APLP2: variants seen among roughly 807,000 people sequenced by gnomAD.
APLP2 encodes amyloid beta precursor like protein 2, also known as CDEI box-binding protein.
In APLP2, 53 loss-of-function variants were observed where a neutral mutation model predicts 89.9. The ratio of observed to expected loss-of-function variants is 0.59; its 90% CI spans 0.47 to 0.74. The LOEUF (loss-of-function observed/expected upper bound fraction) is 0.74. APLP2 is among the 30% of genes least tolerant of loss of function. APLP2 has a pLI of 0.00. For missense variants in APLP2, 973 were observed against 975.9 expected, an observed-to-expected ratio of 1.00 and a Z score of 0.04; for synonymous variants, 372 against 348.6, an observed-to-expected ratio of 1.07 and a Z score of -0.75.
rs1948290557 is a variant in APLP2 at position 130,109,656 on chromosome 11, T to C, written c.279+54T>C. The stretch of plus-strand genomic sequence containing the variant: ...GTTATTTTTCTGGGGCAGGGTTGAA[T>C]CTGTTTACCTTAGAAATAGATATTC... On this transcript the variant is annotated intron_variant, in intron 2 of 16. Transcript: ENST00000338167. 2.6e-6 allele frequency: 4 copies of C among 1,541,974 alleles called. No homozygotes were observed. In the East Asian group the frequency reaches 9.3e-5, roughly 36 times the overall value.
chr11:130,074,798 A>G (rs563439490), intron 1 of APLP2, among the ~76,000 whole-genome samples: 3 of 152,348 alleles, frequency 2.0e-5, no homozygotes, highest in South Asian at 2.1e-4. Flanking sequence ...AACAATGATT[A>G]TTTCGAATTA....
chr11:130,123,464 G>A lies in APLP2; in HGVS notation c.923-148G>A. The A allele has an allele frequency of 1.3e-6, 1 of 770,138 alleles. No individual in the cohort carries two copies. The highest frequency in any genetic ancestry group is 1.8e-5 in the South Asian group (1 of 55,002). 47.7% of individuals were successfully genotyped at this position (770,138 alleles called of 1,614,324 possible). Reference sequence around the variant, plus strand: ...AACTTGTCCTCAGCAAGGCTGGCCTGAGCTGGAGCTTTCGGCCACCGGGCC... The same window carrying A: ...AACTTGTCCTCAGCAAGGCTGGCCTAAGCTGGAGCTTTCGGCCACCGGGCC... On this transcript the variant is annotated intron_variant, in intron 6 of 16. Transcript: ENST00000338167. This position sits in a 1 kb window ranked among gnomAD's most constrained non-coding sequence, Gnocchi z 4.0.
intron 10 of APLP2, 58 bp downstream of exon 10, chr11:130,129,264 A>G (rs1474702333): frequency 2.6e-6 from 4 of 1,534,860 alleles, no homozygotes; most frequent in East Asian, 4.6e-5. Context: ...GGACCAATGT[A>G]TGACACTCAG....
chr11:130,081,812 C>T (rs1052715141), intron 1 of APLP2, among the ~76,000 whole-genome samples: 1 of 152,018 alleles, frequency 6.6e-6, no homozygotes, highest in Non-Finnish European at 1.5e-5. Flanking sequence ...ATGTATGTTT[C>T]TCATTCTTCT....
At chr11:130,126,428 C>T (rs1950370867) in intron 7 of APLP2, among the ~76,000 whole-genome samples, 1 of 152,138 alleles carries the variant, frequency 6.6e-6, no homozygotes, top group African/African-American at 2.4e-5. Context: ...ACCTCTTTTT[C>T]AGCCCTGAGG....
chr11:130,102,832 GT>G (rs1947124159), intron 1 of APLP2, among the ~76,000 whole-genome samples: 1 of 152,208 alleles, frequency 6.6e-6, no homozygotes, highest in Admixed American at 6.5e-5. Context: ...TTGCTAAACT[GT>G]TCCCCAAGCC....
chr11:130,075,085 T>A lies in APLP2; in HGVS notation c.105+5003T>A, dbSNP rs565561843. Among the ~76,000 whole-genome samples, 33 of 152,372 alleles carry A rather than the reference T, an allele frequency of 2.2e-4. 1 individual carries two copies. Among genetic ancestry groups the A allele is most frequent in the African/African-American group, 7.2e-4 (30 of 41,588 alleles). On this transcript the variant is annotated intron_variant, in intron 1 of 16. Transcript: ENST00000338167. ...CAGAAATGAGTTCCAGTCCTTTGTG[T>A]CAAGTACAACTAATAATTGCTTTTG... is the stretch of plus-strand genomic sequence containing the variant.
chr11:130,108,009 C>A (rs556158744), intron 1 of APLP2, among the ~76,000 whole-genome samples: 16 of 152,284 alleles, frequency 1.1e-4, no homozygotes, highest in African/African-American at 3.9e-4. Flanking sequence ...ACTGGCTAGC[C>A]ATATGTAGAA....
At chr11:130,109,362 C>A in intron 1 of APLP2, 67 bp from the exon 2 acceptor site, 1 of 1,422,492 alleles carries the variant, frequency 7.0e-7, no homozygotes, top group South Asian at 1.3e-5. Context: ...GTCACATAGA[C>A]CTGAATGACT....
At position 130,135,565 on chromosome 11, in the gene APLP2, G is replaced by A; in HGVS notation, c.1687G>A (p.Glu563Lys). Residue 563 changes from glutamate to lysine, a missense_variant and splice_region_variant, in exon 13 of 17, where the codon GAG becomes AAG. By Grantham distance (56) the Glu-to-Lys change is moderately conservative. Coordinates refer to ENST00000338167, the MANE Select transcript of APLP2 (RefSeq NM_001142276.2). ...GTCCCCTGCCCTGTCTTCATCAGATGAGCTCCTTCAGGAGCAGCGTGCAGA... is the reference window on the plus strand; with the variant it reads ...GTCCCCTGCCCTGTCTTCATCAGATAAGCTCCTTCAGGAGCAGCGTGCAGA... The part of the protein sequence containing the change: ...VAQEIQEEID[E>K]LLQEQRADMD... The A allele has an allele frequency of 2.5e-6, 4 of 1,614,016 alleles. No individual in the cohort carries two copies. Among genetic ancestry groups the A allele is most frequent in the Non-Finnish European group, 3.4e-6 (4 of 1,179,944 alleles).
At chr11:130,090,809 A>G (rs1271442941) in intron 1 of APLP2, among the ~76,000 whole-genome samples, 1 of 151,820 alleles carries the variant, frequency 6.6e-6, no homozygotes. Flanking sequence ...GTGGCCGGGC[A>G]GAGGGGCTCC....
At chr11:130,081,072 GA>G (rs1450287694) in intron 1 of APLP2, among the ~76,000 whole-genome samples, 1 of 151,970 alleles carries the variant, frequency 6.6e-6, no homozygotes, top group African/African-American at 2.4e-5. Flanking sequence ...AAAAAATTTA[GA>G]AAATACAGTT....
At chr11:130,112,140 C>T (rs1341852706) in intron 3 of APLP2, among the ~76,000 whole-genome samples, 1 of 152,112 alleles carries the variant, frequency 6.6e-6, no homozygotes, top group Non-Finnish European at 1.5e-5. Flanking sequence ...CGAGGCACCT[C>T]GGGGCATTGA....
chr11:130,081,075 A>C (rs1943070878), intron 1 of APLP2, among the ~76,000 whole-genome samples: 2 of 152,218 alleles, frequency 1.3e-5, no homozygotes, highest in Non-Finnish European at 2.9e-5. Flanking sequence ...AAATTTAGAA[A>C]ATACAGTTTT....
intron 3 of APLP2, among the ~76,000 whole-genome samples, chr11:130,117,267 A>G (rs1949299350): frequency 6.6e-6 from 1 of 152,222 alleles, no homozygotes; most frequent in South Asian, 2.1e-4. Flanking sequence ...ATGGTTTAGC[A>G]TGGAATTAAT....
intron 1 of APLP2, among the ~76,000 whole-genome samples, chr11:130,077,801 A>G (rs907186708): frequency 1.3e-5 from 2 of 152,228 alleles, no homozygotes; most frequent in Admixed American, 6.5e-5. Context: ...TTATTTGTGC[A>G]TACTGTGATG....
At chr11:130,093,489 C>T (rs890340205) in intron 1 of APLP2, among the ~76,000 whole-genome samples, 3 of 152,038 alleles carry the variant, frequency 2.0e-5, no homozygotes, top group Non-Finnish European at 2.9e-5. Context: ...AGAACTAAGA[C>T]CCCAGTAGAA....
chr11:130,136,134 G>A (rs1359170315), intron 13 of APLP2, among the ~76,000 whole-genome samples: 4 of 152,082 alleles, frequency 2.6e-5, no homozygotes, highest in Non-Finnish European at 5.9e-5. Context: ...CATGAGGTGG[G>A]GATAAGAAGC....
At chr11:130,142,771 G>A (rs75257213) in intron 16 of APLP2, among the ~76,000 whole-genome samples, 1 of 151,992 alleles carries the variant, frequency 6.6e-6, no homozygotes, top group Non-Finnish European at 1.5e-5. Context: ...GTGCCACCAC[G>A]CCCAGCTAGT....
Sources: allele counts gnomAD v4.1 joint callset (sites outside exome capture counted in the v4.1 genomes callset), GRCh38; gene constraint gnomAD v4.1.1; non-coding constraint Gnocchi (gnomAD v3.1); transcripts MANE v1.5; gene names NCBI Gene and HGNC (gene_info 2026-07-23, HGNC 2026-07-21).